CDH8: variants seen among roughly 807,000 people sequenced by gnomAD.
The protein encoded by CDH8 is cadherin-8.
A neutral mutation model predicts 68.1 loss-of-function variants in CDH8; 17 were observed. The ratio of observed to expected loss-of-function variants is 0.25; its 90% CI spans 0.17 to 0.37. The LOEUF (loss-of-function observed/expected upper bound fraction) is 0.37. CDH8 is among the 10% of genes least tolerant of loss of function. The pLI is 1.00. For synonymous variants in CDH8, 372 were observed against 365.1 expected, an observed-to-expected ratio of 1.02 and a Z score of -0.21; for missense variants, 763 against 999.3, an observed-to-expected ratio of 0.76 and a Z score of 3.19.
intron 3 of CDH8, among the ~76,000 whole-genome samples, chr16:61,860,667 A>G (rs1038446154): frequency 6.8e-6 from 1 of 146,252 alleles, no homozygotes; most frequent in African/African-American, 2.8e-5. Flanking sequence ...AATATTCAGT[A>G]TGATATTAAG....
intron 3 of CDH8, among the ~76,000 whole-genome samples, chr16:61,869,785 A>C (rs1226658552): frequency 5.3e-5 from 8 of 152,232 alleles, no homozygotes; most frequent in Admixed American, 5.2e-4. Flanking sequence ...TAATTTGAGG[A>C]AACATCAAAG....
At chr16:61,730,837 C>T (rs16963893) in intron 8 of CDH8, among the ~76,000 whole-genome samples, 5,252 of 151,680 alleles carry the variant, frequency 0.035, 298 homozygotes, top group African/African-American at 0.12. Flanking sequence ...TTTCAGAAAG[C>T]CATCTTAACA....
intron 2 of CDH8, among the ~76,000 whole-genome samples, chr16:61,918,937 C>G (rs1964305554): frequency 6.7e-6 from 1 of 148,644 alleles, no homozygotes; most frequent in African/African-American, 2.5e-5. Context: ...TTGAAGAGAG[C>G]AGTGGTTCTC....
At chr16:61,665,681 C>T (rs543404780) in intron 10 of CDH8, among the ~76,000 whole-genome samples, 4 of 151,734 alleles carry the variant, frequency 2.6e-5, no homozygotes, top group Admixed American at 6.6e-5. Context: ...GAAAAAAAAA[C>T]AGATAGACTG....
At chr16:61,989,278 CA>C (rs1176726073) in intron 2 of CDH8, among the ~76,000 whole-genome samples, 2 of 152,174 alleles carry the variant, frequency 1.3e-5, no homozygotes, top group African/African-American at 2.4e-5. Flanking sequence ...TATTTTTTGA[CA>C]AAAAGAGTGA....
At position 61,759,944 on chromosome 16, in the gene CDH8, C is replaced by T. The variant is rs1198345042; in HGVS notation, c.1414+29402G>A. ...CCTTAAGAAAATGGCAGGTTTGACT[C>T]TCTATCACTCTTTGGATTGTTAGTC... On this transcript the variant is annotated intron_variant, in intron 8 of 11. Coordinates refer to ENST00000577390, the MANE Select transcript of CDH8 (RefSeq NM_001796.5). 2.6e-5 allele frequency among the ~76,000 whole-genome samples: 4 copies of T among 152,198 alleles called. No individual in the cohort carries two copies. The East Asian group carries it at 7.8e-4, about 30-fold the overall frequency.
chr16:61,840,152 T>C (rs756538908), intron 4 of CDH8, among the ~76,000 whole-genome samples: 2 of 152,166 alleles, frequency 1.3e-5, no homozygotes, highest in Non-Finnish European at 2.9e-5. Flanking sequence ...TCTTTCCATG[T>C]TGCAACAGAT....
chr16:61,913,718 A>G (rs1451342014), intron 2 of CDH8, among the ~76,000 whole-genome samples: 2 of 152,126 alleles, frequency 1.3e-5, no homozygotes. Flanking sequence ...AAACCTGACA[A>G]CCAAAGACGC....
intron 8 of CDH8, among the ~76,000 whole-genome samples, chr16:61,751,457 TA>T (rs1435369961): frequency 6.9e-6 from 1 of 144,116 alleles, no homozygotes; most frequent in East Asian, 2.0e-4. Context: ...ATGACACTCT[TA>T]AAAAAATGGC....
intron 3 of CDH8, among the ~76,000 whole-genome samples, chr16:61,865,711 A>G (rs1294169568): frequency 6.6e-6 from 1 of 152,200 alleles, no homozygotes; most frequent in Non-Finnish European, 1.5e-5. Flanking sequence ...TTCTAATACA[A>G]CAGAAAAAGA....
chr16:61,886,193 C>A (rs1963669580), intron 3 of CDH8, among the ~76,000 whole-genome samples: 1 of 152,188 alleles, frequency 6.6e-6, no homozygotes, highest in Non-Finnish European at 1.5e-5. Context: ...AAGATATCTA[C>A]TACCTAGTTC....
intron 8 of CDH8, among the ~76,000 whole-genome samples, chr16:61,781,618 T>G (rs1961058267): frequency 6.6e-6 from 1 of 152,132 alleles, no homozygotes; most frequent in South Asian, 2.1e-4. Flanking sequence ...ATGAATTAAG[T>G]TTAACTCTAC....
chr16:61,763,799 C>T (rs558166817), intron 8 of CDH8, among the ~76,000 whole-genome samples: 5 of 152,106 alleles, frequency 3.3e-5, no homozygotes, highest in African/African-American at 1.2e-4. Context: ...TGTTTCAAAG[C>T]TGTTAGGGGA....
intron 2 of CDH8, among the ~76,000 whole-genome samples, chr16:61,933,716 ATTTT>A (rs369323836): frequency 1.5e-3 from 231 of 151,808 alleles, no homozygotes; most frequent in African/African-American, 5.3e-3. Flanking sequence ...GCTGGTGGTG[ATTTT>A]TTTTGTTTGT....
chr16:61,683,176 T>C (rs756375314), intron 10 of CDH8, among the ~76,000 whole-genome samples: 2 of 152,004 alleles, frequency 1.3e-5, no homozygotes, highest in African/African-American at 4.8e-5. Context: ...TCCAATAACA[T>C]ATTTGTTTTT....
intron 2 of CDH8, among the ~76,000 whole-genome samples, chr16:61,904,940 A>G (rs2143287981): frequency 6.6e-6 from 1 of 152,330 alleles, no homozygotes; most frequent in African/African-American, 2.4e-5. Flanking sequence ...TTCTCATAGG[A>G]GCAGGAACCC....
chr16:61,960,635 G>A (rs868589107), intron 2 of CDH8, among the ~76,000 whole-genome samples: 25 of 152,214 alleles, frequency 1.6e-4, no homozygotes, highest in South Asian at 1.5e-3. Context: ...TGAGCAAATG[G>A]ATGAATTATT....
At chr16:61,915,339 T>A (rs1490835943) in intron 2 of CDH8, among the ~76,000 whole-genome samples, 2 of 152,208 alleles carry the variant, frequency 1.3e-5, no homozygotes, top group Non-Finnish European at 2.9e-5. Context: ...ATTCATTGTC[T>A]ATTATTTCAT....
intron 2 of CDH8, among the ~76,000 whole-genome samples, chr16:61,953,691 C>T (rs544729831): frequency 6.6e-6 from 1 of 150,960 alleles, no homozygotes; most frequent in African/African-American, 2.4e-5. Flanking sequence ...AACTTGGCAA[C>T]ACCCTGTCTC....
Sources: allele counts gnomAD v4.1 joint callset (sites outside exome capture counted in the v4.1 genomes callset), GRCh38; gene constraint gnomAD v4.1.1; transcripts MANE v1.5; gene names NCBI Gene and HGNC (gene_info 2026-07-23, HGNC 2026-07-21).